Variants in UNC79 observed in about 807,000 individuals in gnomAD.
UNC79 encodes the protein protein unc-79 homolog.
UNC79 carries 37 observed loss-of-function variants against 283.1 expected under a neutral mutation model. The observed-to-expected ratio is 0.13, with a 90% CI of 0.10 to 0.17. UNC79 has a LOEUF of 0.17. UNC79 is among the 10% of genes least tolerant of loss of function. UNC79 has a pLI of 1.00. For missense variants in UNC79, 2,272 were observed against 3,211.1 expected, an observed-to-expected ratio of 0.71 and a Z score of 7.07; for synonymous variants, 1,107 against 1,200.2, an observed-to-expected ratio of 0.92 and a Z score of 1.61.
chr14:93,497,302 C>G lies in UNC79; in HGVS notation c.898+16C>G. On this transcript the variant is annotated intron_variant, in intron 7 of 48. Transcript: ENST00000555664. The stretch of plus-strand genomic sequence containing the variant: ...CAGTACACAGGTAAGAGGAGAGGAG[C>G]CCTGTGATGCCCCATCTGTATTTCT... The G allele has an allele frequency of 6.2e-7, 1 of 1,605,748 alleles. No individual in the cohort carries two copies.
Position 93,531,253 on chromosome 14 carries a change from CA to C in UNC79, c.1094-1293del, listed in dbSNP as rs947131194. On this transcript the variant is annotated intron_variant, in intron 10 of 48. Coordinates refer to ENST00000555664, the Ensembl canonical transcript of UNC79. This position sits in a 1 kb window ranked among gnomAD's most constrained non-coding sequence, Gnocchi z 4.2. ...AACTGTCAAGTAACCATTAATTATA[CA>C]AAACCAGTTTTTAAACATGAGTTGT... 7.2e-5 allele frequency among the ~76,000 whole-genome samples: 11 copies of C among 152,132 alleles called. No individual in the cohort carries two copies. The highest frequency in any genetic ancestry group is 2.4e-4 in the African/African-American group (10 of 41,418).
chr14:93,704,514 C>A (rs576139607), intron 47 of UNC79, 111 bp from the exon 51 acceptor site: 1 of 1,243,134 alleles, frequency 8.0e-7, no homozygotes. Flanking sequence ...GGCCCACATC[C>A]GTGCGCGACG....
intron 1 of UNC79, among the ~76,000 whole-genome samples, chr14:93,442,068 G>T (rs2056318141): frequency 6.6e-6 from 1 of 151,756 alleles, no homozygotes; most frequent in Admixed American, 6.6e-5. Flanking sequence ...ATTTTTTTTG[G>T]CATTAAGGAT....
intron 1 of UNC79, among the ~76,000 whole-genome samples, chr14:93,377,911 G>A (rs776006866): frequency 2.0e-4 from 31 of 152,286 alleles, no homozygotes; most frequent in Non-Finnish European, 3.8e-4. Flanking sequence ...GATCCCTGCC[G>A]TGTGGTCTGT....
At position 93,630,809 on chromosome 14, in the gene UNC79, A is replaced by G. The variant is rs768513679; in HGVS notation, c.5617A>G (p.Thr1873Ala). Residue 1873 changes from threonine (T) to alanine (A), a missense_variant, in exon 31 of 49, where the codon ACT (threonine) becomes GCT (alanine). By Grantham distance (58) the Thr-to-Ala change is moderately conservative (BLOSUM62 0). Transcript: ENST00000555664. ...AATATTTCTGTTTGTAGATCCTTCT[A>G]CTAAAGGACTTTCAACTTTGGAAAT... The G allele has an allele frequency of 6.2e-7, 1 of 1,613,566 alleles. No homozygotes were observed. The highest frequency in any genetic ancestry group is 8.5e-7 in the Non-Finnish European group (1 of 1,179,472).
chr14:93,504,772 T>G (rs2059448848), intron 7 of UNC79, among the ~76,000 whole-genome samples: 1 of 152,048 alleles, frequency 6.6e-6, no homozygotes, highest in Non-Finnish European at 1.5e-5. Context: ...AAAATTACTT[T>G]AATATGCACA....
At chr14:93,534,659 A>T (rs1001731628) in intron 11 of UNC79, among the ~76,000 whole-genome samples, 1 of 152,118 alleles carries the variant, frequency 6.6e-6, no homozygotes, top group Admixed American at 6.5e-5. Context: ...TCTTCCTTTG[A>T]TCTTTATCCT....
chr14:93,462,931 C>T (rs1409936465), intron 1 of UNC79, among the ~76,000 whole-genome samples: 1 of 152,080 alleles, frequency 6.6e-6, no homozygotes, highest in African/African-American at 2.4e-5. Context: ...AACAGCTACC[C>T]ACCTGGGATG....
chr14:93,584,880 A>C (rs1354583931), intron 20 of UNC79, among the ~76,000 whole-genome samples: 1 of 150,764 alleles, frequency 6.6e-6, no homozygotes, highest in East Asian at 1.9e-4. Context: ...TTTTTTTTTA[A>C]GAGATGGGGT....
chr14:93,528,467 A>G, intron 8 of UNC79, 91 bp from the exon 9 acceptor site: 3 of 1,204,692 alleles, frequency 2.5e-6, no homozygotes, highest in Non-Finnish European at 2.4e-6. Context: ...CTTGTGGAAA[A>G]TCTGTCATTA....
intron 1 of UNC79, among the ~76,000 whole-genome samples, chr14:93,462,542 G>A (rs2056997989): frequency 6.6e-6 from 1 of 152,150 alleles, no homozygotes; most frequent in African/African-American, 2.4e-5. Context: ...AGTGGAGAGA[G>A]GCAAGAAGAA....
intron 24 of UNC79, among the ~76,000 whole-genome samples, chr14:93,599,489 G>T (rs2065338664): frequency 6.6e-6 from 1 of 152,098 alleles, no homozygotes; most frequent in Admixed American, 6.6e-5. Context: ...GAAGGGTTAT[G>T]CTGCCTGTGG....
chr14:93,560,898 G>A (rs1423340299), intron 14 of UNC79, among the ~76,000 whole-genome samples: 1 of 152,134 alleles, frequency 6.6e-6, no homozygotes, highest in Admixed American at 6.5e-5. Context: ...ACTGCATAGA[G>A]GGAGAGGCTC....
At chr14:93,634,678 G>A in intron 31 of UNC79, 41 bp downstream of exon 34, 2 of 1,512,492 alleles carry the variant, frequency 1.3e-6, no homozygotes. Flanking sequence ...TCTCGGATTA[G>A]TGAATGCTAC....
intron 1 of UNC79, among the ~76,000 whole-genome samples, chr14:93,388,954 G>A (rs777530407): frequency 6.6e-6 from 1 of 152,218 alleles, no homozygotes; most frequent in Non-Finnish European, 1.5e-5. Flanking sequence ...TAGTCATGTT[G>A]TGTAAGGATT....
At chr14:93,467,639 T>TTTTTTTTTTTTTTTTTTTTTG in intron 1 of UNC79, 32 bp from the exon 2 acceptor site, 1 of 873,462 alleles carries the variant, frequency 1.1e-6, no homozygotes, top group Non-Finnish European at 1.4e-6. Context: ...TTTTTTTTTT[T>TTTTTTTTTTTTTTTTTTTTTG]TTTTTTTTTT....
chr14:93,382,354 G>T (rs2054681247), intron 1 of UNC79, among the ~76,000 whole-genome samples: 1 of 152,130 alleles, frequency 6.6e-6, no homozygotes, highest in Non-Finnish European at 1.5e-5. Flanking sequence ...AATCATGCTT[G>T]CCTTCCCACT....
At chr14:93,511,141 C>G (rs1251645478) in intron 7 of UNC79, among the ~76,000 whole-genome samples, 2 of 151,506 alleles carry the variant, frequency 1.3e-5, no homozygotes, top group Non-Finnish European at 1.5e-5. Flanking sequence ...ACAACCAACT[C>G]TCTGTGCACT....
intron 26 of UNC79, among the ~76,000 whole-genome samples, chr14:93,611,994 A>C (rs1307945231): frequency 6.6e-6 from 1 of 152,242 alleles, no homozygotes; most frequent in African/African-American, 2.4e-5. Flanking sequence ...TCTGACTTTG[A>C]AAAATAACAG....
Sources: allele counts gnomAD v4.1 joint callset (sites outside exome capture counted in the v4.1 genomes callset), GRCh38; gene constraint gnomAD v4.1.1; non-coding constraint Gnocchi (gnomAD v3.1); transcripts MANE v1.5; gene names NCBI Gene and HGNC (gene_info 2026-07-23, HGNC 2026-07-21).